Variants in OSBPL10 observed in about 807,000 individuals in gnomAD.
OSBPL10 encodes oxysterol binding protein like 10, also known as oxysterol-binding protein-related protein 10.
Under a neutral mutation model 81.7 loss-of-function variants are expected in OSBPL10, and 49 were observed. The ratio of observed to expected loss-of-function variants is 0.60; its 90% CI spans 0.48 to 0.76. The LOEUF (loss-of-function observed/expected upper bound fraction) is 0.76. Among genes scored for constraint, OSBPL10 ranks in the 30% least tolerant of loss-of-function variants. The pLI, the probability that OSBPL10 is intolerant of heterozygous loss-of-function variation, is 0.00. For missense variants in OSBPL10, 923 were observed against 987.8 expected (o/e 0.93, Z 0.88); for synonymous variants, 419 against 383.6 (o/e 1.09, Z -1.08).
Position 31,740,857 on chromosome 3 carries a change from T to TTTTATA in OSBPL10, c.940+7052_940+7053insTATAAA, listed in dbSNP as rs1553620066. Among the ~76,000 whole-genome samples, 10 of 136,390 alleles carry TTTTATA rather than the reference T, an allele frequency of 7.3e-5. 2 individuals carry two copies. The highest frequency in any genetic ancestry group is 3.4e-4 in the African/African-American group (10 of 29,744). 89.5% of individuals were successfully genotyped at this position (136,390 alleles called of 152,430 possible). A position where few individuals can be genotyped will look rare whatever the true frequency, so the allele number is the denominator to read the frequency against. Reference sequence around the variant, plus strand: ...AACTTAATATGACCACTACTAGAATTTATATATATATGTCATATTTCTTCC... The same window carrying TTTTATA: ...AACTTAATATGACCACTACTAGAATTTTTATATATATATATATGTCATATTTCTTCC... On this transcript the variant is annotated intron_variant, in intron 5 of 11. Transcript: ENST00000396556.
At chr3:31,758,461 T>C (rs1697948623) in intron 4 of OSBPL10, among the ~76,000 whole-genome samples, 1 of 152,186 alleles carries the variant, frequency 6.6e-6, no homozygotes, top group African/African-American at 2.4e-5. Flanking sequence ...GCTCTTAGGC[T>C]TTCTTCCCTA....
chr3:31,925,743 A>G (rs1469492787), intron 1 of OSBPL10, among the ~76,000 whole-genome samples: 3 of 152,080 alleles, frequency 2.0e-5, no homozygotes, highest in East Asian at 3.9e-4. Flanking sequence ...AACCTGGGAG[A>G]CGGAGGTTGC....
chr3:32,030,715 A>AAAAT (rs1460689411), intron 2 of OSBPL10: 9 of 701,256 alleles, frequency 1.3e-5, no homozygotes, highest in Admixed American at 2.2e-5. Context: ...CTGGACTGTA[A>AAAAT]AAATAAATAA....
At chr3:31,747,864 G>C (rs749283181) in intron 5 of OSBPL10, 46 bp downstream of exon 5, 1 of 1,554,084 alleles carries the variant, frequency 6.4e-7, no homozygotes. Flanking sequence ...CACAGACACA[G>C]TGTGTGTACT....
chr3:32,028,303 C>T (rs761426707), intron 2 of OSBPL10, among the ~76,000 whole-genome samples: 1 of 152,164 alleles, frequency 6.6e-6, no homozygotes, highest in Non-Finnish European at 1.5e-5. Flanking sequence ...ACATAAAAGG[C>T]CAAATCAGAA....
chr3:31,803,026 T>C (rs1699427679), intron 4 of OSBPL10, among the ~76,000 whole-genome samples: 1 of 149,996 alleles, frequency 6.7e-6, no homozygotes, highest in East Asian at 2.0e-4. Flanking sequence ...TAATATACTG[T>C]TCTAGTCTAC....
intron 6 of OSBPL10, among the ~76,000 whole-genome samples, chr3:31,719,306 T>C (rs1696557958): frequency 6.6e-6 from 1 of 152,172 alleles, no homozygotes; most frequent in Non-Finnish European, 1.5e-5. Context: ...GGTGGAAAAA[T>C]ACTTACTCCA....
At chr3:31,827,203 G>A (rs886467786) in intron 4 of OSBPL10, among the ~76,000 whole-genome samples, 10 of 151,774 alleles carry the variant, frequency 6.6e-5, no homozygotes, top group East Asian at 3.9e-4. Context: ...GCATGCCACC[G>A]GACCTGGCTT....
intron 4 of OSBPL10, among the ~76,000 whole-genome samples, chr3:31,780,626 T>G (rs1430243930): frequency 6.6e-6 from 1 of 152,062 alleles, no homozygotes; most frequent in Non-Finnish European, 1.5e-5. Flanking sequence ...AAATGAGAGA[T>G]ATTATAATCA....
chr3:32,005,351 C>A (rs551037172), intron 2 of OSBPL10, among the ~76,000 whole-genome samples: 51 of 152,202 alleles, frequency 3.4e-4, no homozygotes, highest in African/African-American at 1.2e-3. Flanking sequence ...TTATCCATTC[C>A]CTGAGCAGTA....
chr3:31,724,744 C>T (rs1240911079), intron 6 of OSBPL10, among the ~76,000 whole-genome samples: 1 of 152,138 alleles, frequency 6.6e-6, no homozygotes, highest in African/African-American at 2.4e-5. Flanking sequence ...AAACCAAGTC[C>T]AACAAGTTCT....
intron 6 of OSBPL10, chr3:31,708,682 T>C (rs1189777744): frequency 4.1e-6 from 4 of 966,262 alleles, no homozygotes; most frequent in Non-Finnish European, 4.9e-6. Context: ...TTTTGGCATA[T>C]GAATGCCAAA....
intron 3 of OSBPL10, among the ~76,000 whole-genome samples, chr3:31,869,910 T>C (rs1010910820): frequency 6.6e-6 from 1 of 152,246 alleles, no homozygotes; most frequent in African/African-American, 2.4e-5. Flanking sequence ...CAGTTCCTGA[T>C]TCATCCTCAG....
intron 2 of OSBPL10, among the ~76,000 whole-genome samples, chr3:32,026,557 A>G (rs896817915): frequency 1.3e-5 from 2 of 152,160 alleles, no homozygotes; most frequent in Admixed American, 1.3e-4. Flanking sequence ...TTCTAAAAAA[A>G]CCCTAAATGT....
At chr3:31,848,065 A>G (rs1700676110) in intron 3 of OSBPL10, among the ~76,000 whole-genome samples, 1 of 152,090 alleles carries the variant, frequency 6.6e-6, no homozygotes. Context: ...GGACCCTGGG[A>G]AAGGCAAAGT....
intron 6 of OSBPL10, among the ~76,000 whole-genome samples, chr3:31,719,994 A>T (rs541654030): frequency 6.6e-6 from 1 of 150,794 alleles, no homozygotes; most frequent in Non-Finnish European, 1.5e-5. Flanking sequence ...TTGAAAAGCC[A>T]TAGAACATTA....
intron 7 of OSBPL10, among the ~76,000 whole-genome samples, chr3:31,692,298 T>C (rs1695583434): frequency 6.6e-6 from 1 of 152,144 alleles, no homozygotes; most frequent in African/African-American, 2.4e-5. Context: ...ACCAACCTTC[T>C]AGGCTGATTG....
At position 31,810,979 on chromosome 3, in the gene OSBPL10, G is replaced by A. The variant is rs189138373; in HGVS notation, c.729+19061C>T. 3.5e-4 allele frequency among the ~76,000 whole-genome samples: 53 copies of A among 152,250 alleles called. 1 individual carries two copies. In the East Asian group the frequency reaches 8.3e-3, roughly 24 times the overall value. On this transcript the variant is annotated intron_variant, in intron 4 of 11. Coordinates refer to ENST00000396556, the MANE Select transcript of OSBPL10 (RefSeq NM_017784.5). The stretch of plus-strand genomic sequence containing the variant: ...CCCTAAATTGTTCAGCGAGAGTGTC[G>A]AGTGCTAAGTTTCCAGGTGTCGAGG...
intron 1 of OSBPL10, among the ~76,000 whole-genome samples, chr3:32,060,240 TG>T (rs1422063380): frequency 6.6e-6 from 1 of 152,224 alleles, no homozygotes. Context: ...AACTGAATGA[TG>T]AATGAATGCT....
Sources: gnomAD v4.1 joint callset for allele counts (sites outside exome capture counted in the v4.1 genomes callset) on GRCh38, gnomAD v4.1.1 for gene constraint, MANE v1.5 for transcripts, NCBI Gene and HGNC (gene_info 2026-07-23, HGNC 2026-07-21) for gene names.